Variants in HPSE2 observed in about 807,000 individuals in gnomAD.
HPSE2 encodes the protein inactive heparanase-2.
Under a neutral mutation model 60.5 loss-of-function variants are expected in HPSE2, and 38 were observed. The observed-to-expected ratio is 0.63, with a 90% CI of 0.48 to 0.82. HPSE2 has a LOEUF of 0.82. HPSE2 is among the 40% of genes least tolerant of loss of function. The pLI is 0.00. For synonymous variants in HPSE2, 295 were observed against 293.2 expected (o/e 1.01, Z -0.06); for missense variants, 713 against 740.4 (o/e 0.96, Z 0.43).
At chr10:98,940,085 G>T (rs1214799332) in intron 3 of HPSE2, among the ~76,000 whole-genome samples, 4 of 143,150 alleles carry the variant, frequency 2.8e-5, no homozygotes, top group Admixed American at 7.0e-5. Context: ...TCAAAGCAGT[G>T]TAAAGAGGGA....
At chr10:98,547,960 T>G (rs1486041193) in intron 9 of HPSE2, among the ~76,000 whole-genome samples, 2 of 152,136 alleles carry the variant, frequency 1.3e-5, no homozygotes, top group Admixed American at 6.5e-5. Context: ...AAGAGGTCTC[T>G]TCTTCTACAA....
Position 98,710,828 on chromosome 10 carries a change from T to C in HPSE2, c.956+10829A>G, listed in dbSNP as rs138429729. ...GTATTGTTCCTTTTTGCTGAGCCTA[T>C]AGTAAGAGAGCTCAATACTCCCTCA... is the stretch of plus-strand genomic sequence containing the variant. On this transcript the variant is annotated intron_variant, in intron 5 of 11. Transcript: ENST00000370552. Among the ~76,000 whole-genome samples, 168 of 152,206 alleles carry C rather than the reference T, an allele frequency of 1.1e-3. 1 individual carries two copies. Among genetic ancestry groups the C allele is most frequent in the African/African-American group, 3.9e-3 (163 of 41,548 alleles).
intron 9 of HPSE2, among the ~76,000 whole-genome samples, chr10:98,527,617 T>C (rs1943009693): frequency 6.6e-6 from 1 of 152,164 alleles, no homozygotes; most frequent in African/African-American, 2.4e-5. Flanking sequence ...CTCCAATCCC[T>C]TATTATATTT....
intron 11 of HPSE2, chr10:98,461,670 TA>T: frequency 1.1e-6 from 1 of 882,780 alleles, no homozygotes; most frequent in Non-Finnish European, 1.8e-6. Context: ...TTAATCTTTC[TA>T]AGGCATACTC....
chr10:99,298,757 C>T, the HPSE2 span, among the ~76,000 whole-genome samples: 3 of 151,726 alleles, frequency 2.0e-5, no homozygotes, highest in Admixed American at 2.0e-4. Flanking sequence ...TCACTGCAAC[C>T]TCTGCCTTCC....
intron 3 of HPSE2, among the ~76,000 whole-genome samples, chr10:98,970,007 G>A (rs541337390): frequency 6.6e-6 from 1 of 151,600 alleles, no homozygotes; most frequent in Admixed American, 6.6e-5. Context: ...CTGTTGCCCA[G>A]CTGGAGTGCA....
chr10:98,754,631 G>C (rs1029977369), intron 3 of HPSE2, among the ~76,000 whole-genome samples: 3 of 150,874 alleles, frequency 2.0e-5, no homozygotes, highest in African/African-American at 2.4e-5. Flanking sequence ...ACCTACAGAG[G>C]GAACTTTATC....
At chr10:99,062,532 A>C (rs760014136) in intron 3 of HPSE2, among the ~76,000 whole-genome samples, 2 of 151,878 alleles carry the variant, frequency 1.3e-5, no homozygotes, top group Non-Finnish European at 2.9e-5. Flanking sequence ...ATTTTTCTCT[A>C]CTTGCCATCT....
intron 9 of HPSE2, among the ~76,000 whole-genome samples, chr10:98,521,290 A>G (rs1449565163): frequency 1.3e-5 from 2 of 152,210 alleles, no homozygotes; most frequent in Non-Finnish European, 2.9e-5. Context: ...AAACAAATTT[A>G]CAAGAAAAAA....
chr10:99,145,378 A>ACC (rs60782429), intron 2 of HPSE2, among the ~76,000 whole-genome samples: 2 of 151,308 alleles, frequency 1.3e-5, no homozygotes, highest in Non-Finnish European at 2.9e-5. Flanking sequence ...AATCACTTGA[A>ACC]CCAGGAGGTG....
chr10:98,820,770 A>C (rs547981025), intron 3 of HPSE2, among the ~76,000 whole-genome samples: 51 of 152,216 alleles, frequency 3.4e-4, no homozygotes, highest in Non-Finnish European at 5.9e-4. Context: ...CCCTCTCTGC[A>C]TGACAGCTAT....
intron 3 of HPSE2, among the ~76,000 whole-genome samples, chr10:99,059,465 T>C (rs1010950139): frequency 6.6e-6 from 1 of 152,186 alleles, no homozygotes; most frequent in African/African-American, 2.4e-5. Context: ...TTCATTCTCA[T>C]TGGCATAAAG....
chr10:99,127,787 CAG>C (rs1214072660), intron 3 of HPSE2, among the ~76,000 whole-genome samples: 1 of 152,168 alleles, frequency 6.6e-6, no homozygotes, highest in Non-Finnish European at 1.5e-5. Context: ...ATAAGATTAA[CAG>C]AATTCTCAGC....
chr10:98,813,261 G>T (rs1951209748), intron 3 of HPSE2, among the ~76,000 whole-genome samples: 1 of 152,086 alleles, frequency 6.6e-6, no homozygotes, highest in African/African-American at 2.4e-5. Context: ...TTGAACCAAA[G>T]ACATGTGACC....
chr10:99,022,564 A>G (rs1195977683), intron 3 of HPSE2, among the ~76,000 whole-genome samples: 3 of 152,166 alleles, frequency 2.0e-5, no homozygotes, highest in Non-Finnish European at 4.4e-5. Flanking sequence ...CCCAGGCTGC[A>G]CAGCTCAAGG....
intron 11 of HPSE2, among the ~76,000 whole-genome samples, chr10:98,471,418 G>A (rs1282049602): frequency 6.6e-6 from 1 of 152,086 alleles, no homozygotes; most frequent in African/African-American, 2.4e-5. Context: ...AAGAAGGGGC[G>A]GGGATATGTT....
At chr10:98,716,439 T>TAAAAAAAA (rs1052775399) in intron 5 of HPSE2, among the ~76,000 whole-genome samples, 25 of 78,166 alleles carry the variant, frequency 3.2e-4, no homozygotes, top group Non-Finnish European at 2.1e-4. Flanking sequence ...AGTATAATAA[T>TAAAAAAAA]AAAAAATAAA....
rs1945865870 is a variant in HPSE2, at chr10:98,614,984, C to A, written c.1240G>T (p.Gly414Cys). ...GAGTGCCGTATCACGACATCAATGCCCTGATTGGCCAGCATTCCTAAAGTG... is the reference window on the plus strand; with the variant it reads ...GAGTGCCGTATCACGACATCAATGCACTGATTGGCCAGCATTCCTAAAGTG... ...LNTLGMLANQ[G>C]IDVVIRHSFF... The change falls in exon 9 of 12, where the codon GGC becomes TGC. Residue 414 changes from glycine to cysteine, a missense_variant. Coordinates refer to ENST00000370552, the MANE Select transcript of HPSE2 (RefSeq NM_021828.5). The A allele has an allele frequency of 6.2e-7, 1 of 1,613,802 alleles. No individual in the cohort carries two copies. Among genetic ancestry groups the A allele is most frequent in the Non-Finnish European group, 8.5e-7 (1 of 1,179,912 alleles).
chr10:98,556,061 T>C (rs1943999128), intron 9 of HPSE2, among the ~76,000 whole-genome samples: 1 of 152,014 alleles, frequency 6.6e-6, no homozygotes, highest in Non-Finnish European at 1.5e-5. Flanking sequence ...AACTCCGACT[T>C]TTATTATTAT....
Sources: gnomAD v4.1 joint callset for allele counts (sites outside exome capture counted in the v4.1 genomes callset) on GRCh38, gnomAD v4.1.1 for gene constraint, MANE v1.5 for transcripts, NCBI Gene and HGNC (gene_info 2026-07-23, HGNC 2026-07-21) for gene names.